The following PPP1R37 variants were observed in gnomAD, a reference collection of about 807,000 sequenced individuals.
The protein encoded by PPP1R37 is protein phosphatase 1 regulatory subunit 37.
PPP1R37 carries 21 observed loss-of-function variants against 61.0 expected under a neutral mutation model. The ratio of observed to expected loss-of-function variants is 0.34; its 90% CI spans 0.24 to 0.50. The LOEUF (loss-of-function observed/expected upper bound fraction) is 0.50, where lower values mean the gene tolerates loss of function less well. Among genes scored for constraint, PPP1R37 ranks in the 20% least tolerant of loss-of-function variants. The pLI, the probability that PPP1R37 is intolerant of heterozygous loss-of-function variation, is 0.98. For synonymous variants in PPP1R37, 443 were observed against 433.5 expected, an observed-to-expected ratio of 1.02 and a Z score of -0.27; for missense variants, 910 against 952.7, an observed-to-expected ratio of 0.96 and a Z score of 0.59.
In PPP1R37 at chr19:45,145,787, G is replaced by A. The variant is rs575272908; in HGVS notation, c.1731G>A (p.Pro577=). 4.9e-5 allele frequency: 73 copies of A among 1,505,084 alleles called. No individual in the cohort carries two copies. In the East Asian group the frequency reaches 1.1e-3, roughly 22 times the overall value. The allele number at this position is 1,505,084 out of a possible 1,614,324, so 93.2% of individuals were successfully genotyped here. ...KVFVVTRVES[P]PERAEPPASP... The stretch of plus-strand genomic sequence containing the variant: ...TTGTGGTGACCCGGGTGGAGAGCCC[G>A]CCCGAGAGGGCAGAGCCCCCTGCGT... Residue 577 remains proline (P), a synonymous_variant, in exon 11 of 13, where the codon CCG becomes CCA. Coordinates refer to ENST00000221462, the MANE Select transcript of PPP1R37 (RefSeq NM_019121.2).
At chr19:45,110,232 C>T (rs1156413962) in intron 1 of PPP1R37, among the ~76,000 whole-genome samples, 1 of 151,666 alleles carries the variant, frequency 6.6e-6, no homozygotes, top group Non-Finnish European at 1.5e-5. Context: ...CCTCCCGCCT[C>T]AGCCTTCTGA....
Position 45,093,408 on chromosome 19 carries a change from C to T in PPP1R37, c.83C>T (p.Pro28Leu). 6.5e-7 allele frequency: 1 copy of T among 1,534,530 alleles called. No homozygotes were observed. The highest frequency in any genetic ancestry group is 1.4e-5 in the African/African-American group (1 of 73,048). ...IEEAPAEAGS[P>L]SPASPPADGR... ...GAGGCCCCAGCTGAGGCCGGGTCTC[C>T]CAGCCCCGCGTCGCCCCCCGCCGAT... Residue 28 changes from proline (P) to leucine (L), a missense_variant, in exon 1 of 13, where the codon CCC (proline) becomes CTC (leucine). Pro to Leu is a moderately conservative substitution (Grantham distance 98). Transcript: ENST00000221462.
intron 7 of PPP1R37, 128 bp downstream of exon 7, chr19:45,142,586 A>G (rs915749800): frequency 5.4e-5 from 56 of 1,029,600 alleles, no homozygotes; most frequent in Non-Finnish European, 7.0e-5. Flanking sequence ...TGGGGCTCCC[A>G]GGAGGAAGAC....
intron 1 of PPP1R37, among the ~76,000 whole-genome samples, chr19:45,126,307 G>A (rs916573242): frequency 6.6e-6 from 1 of 152,338 alleles, no homozygotes; most frequent in East Asian, 1.9e-4. Flanking sequence ...AGGGACAGGG[G>A]CCCTTCCTGT....
intron 1 of PPP1R37, among the ~76,000 whole-genome samples, chr19:45,122,652 G>A (rs376793548): frequency 1.3e-4 from 20 of 152,254 alleles, no homozygotes; most frequent in African/African-American, 4.6e-4. Context: ...AAGACCTGCA[G>A]GCAGGGAGGG....
chr19:45,140,777 G>A, intron 4 of PPP1R37, 171 bp downstream of exon 4: 2 of 604,548 alleles, frequency 3.3e-6, no homozygotes, highest in South Asian at 2.0e-5. Flanking sequence ...TATGACCAGA[G>A]TGGATGTGGA....
In PPP1R37 at chr19:45,140,300, G is replaced by T; in HGVS notation, c.346+19G>T. On this transcript the variant is annotated intron_variant, in intron 3 of 12. Transcript: ENST00000221462. ...CTGAAAGGTGTGTGTCTGGCTAGGG[G>T]TTGAGAGCCCTTGGGTCATGGGCAG... The T allele has an allele frequency of 2.0e-6, 3 of 1,535,292 alleles. No individual in the cohort carries two copies. The highest frequency in any genetic ancestry group is 1.2e-5 in the South Asian group (1 of 84,054).
intron 1 of PPP1R37, among the ~76,000 whole-genome samples, chr19:45,103,759 C>T (rs1968093864): frequency 6.6e-6 from 1 of 152,140 alleles, no homozygotes; most frequent in Non-Finnish European, 1.5e-5. Flanking sequence ...TTATGGAGCG[C>T]TTAACAGGGC....
At position 45,145,582 on chromosome 19, in the gene PPP1R37, C is replaced by G. The variant is rs757743404; in HGVS notation, c.1526C>G (p.Ser509Trp). The G allele has an allele frequency of 1.7e-5, 26 of 1,535,770 alleles. No homozygotes were observed. Among genetic ancestry groups the G allele is most frequent in the Admixed American group, 5.9e-5 (3 of 50,968 alleles). Reference sequence around the variant, plus strand: ...CCCAGCCCGGACTCAGACTCAGACTCGGACTCGGATGGGGAGGAAGAGGAG... The same window carrying G: ...CCCAGCCCGGACTCAGACTCAGACTGGGACTCGGATGGGGAGGAAGAGGAG... ...PAPSPDSDSD[S>W]DSDGEEEEEE... Residue 509 changes from serine (S) to tryptophan (W), a missense_variant, in exon 11 of 13, where the codon TCG (serine) becomes TGG (tryptophan). Transcript: ENST00000221462.
chr19:45,107,404 C>A (rs573652132), intron 1 of PPP1R37, among the ~76,000 whole-genome samples: 3 of 152,102 alleles, frequency 2.0e-5, no homozygotes, highest in South Asian at 4.2e-4. Flanking sequence ...GAGTTCGAGA[C>A]CAGCCTGGAC....
In PPP1R37 at chr19:45,142,230, A is replaced by AG; in HGVS notation, c.718+22dup. ...CTGCTCGGTGAGCCCCAAGCCCGGG[A>AG]GGGTGAGCAGGATGTGCAGCCTGTT... On this transcript the variant is annotated intron_variant, in intron 6 of 12. Transcript: ENST00000221462. The AG allele has an allele frequency of 6.5e-7, 1 of 1,532,854 alleles. No individual in the cohort carries two copies. Among genetic ancestry groups the AG allele is most frequent in the Non-Finnish European group, 8.7e-7 (1 of 1,144,776 alleles). The allele number at this position is 1,532,854 out of a possible 1,614,324, so 95.0% of individuals were successfully genotyped here. A position where few individuals can be genotyped will look rare whatever the true frequency, so the allele number is the denominator to read the frequency against.
At chr19:45,131,936 G>A (rs749779345) in intron 1 of PPP1R37, among the ~76,000 whole-genome samples, 3 of 152,164 alleles carry the variant, frequency 2.0e-5, no homozygotes, top group Admixed American at 1.3e-4. Context: ...TCCCTTTCAG[G>A]GAGGGAAAGA....
At chr19:45,144,832 C>G (rs968161998) in intron 8 of PPP1R37, 22 bp from the exon 9 acceptor site, 8 of 1,517,660 alleles carry the variant, frequency 5.3e-6, no homozygotes, top group Non-Finnish European at 7.0e-6. Context: ...CTCCTCCTCA[C>G]CCTCACACCC....
chr19:45,131,344 C>T (rs889909594), intron 1 of PPP1R37, among the ~76,000 whole-genome samples: 2 of 152,158 alleles, frequency 1.3e-5, no homozygotes, highest in East Asian at 3.9e-4. Context: ...CCATCCCACC[C>T]AGGGCTCCCC....
chr19:45,145,601 AGAG>A lies in PPP1R37; in HGVS notation c.1551_1553del (p.Glu520del), dbSNP rs1968682562. ...CAGACTCGGACTCGGATGGGGAGGA[AGAG>A]GAGGAAGAGGAAGGGGAGAGGGACG... On this transcript the variant is annotated inframe_deletion, in exon 11 of 13. Transcript: ENST00000221462. 7 of 1,535,482 alleles carry A rather than the reference AGAG, an allele frequency of 4.6e-6. No homozygotes were observed. The highest frequency in any genetic ancestry group is 3.6e-5 in the South Asian group (3 of 84,054).
rs773947787 is a variant in PPP1R37 at position 45,142,473 on chromosome 19, C to T, written c.874+15C>T. 5.3e-5 allele frequency: 81 copies of T among 1,534,742 alleles called. No individual in the cohort carries two copies. The African/African-American group carries it at 1.0e-3, about 20-fold the overall frequency. ...GCTAGACTCGGGTGGGTGCAGTGGC[C>T]CACCCCACCCACACCCGTCACCCAG... On this transcript the variant is annotated intron_variant, in intron 7 of 12. Transcript: ENST00000221462.
At position 45,120,014 on chromosome 19, in the gene PPP1R37, C is replaced by CTTTTTTTTTTTTTTTTTTTTTTTTTTTT. The variant is rs11312138; in HGVS notation, c.203-18479_203-18478insTTTTTTTTTTTTTTTTTTTTTTTTTTTT. The stretch of plus-strand genomic sequence containing the variant: ...AGCACAGATTTTTTATTTTCCCCTT[C>CTTTTTTTTTTTTTTTTTTTTTTTTTTTT]TTTTTTTTTTTTTTTTTTTTTGAGA... On this transcript the variant is annotated intron_variant, in intron 1 of 12. Transcript: ENST00000221462. Among the ~76,000 whole-genome samples the CTTTTTTTTTTTTTTTTTTTTTTTTTTTT allele has an allele frequency of 3.9e-4, 33 of 83,570 alleles. 1 individual carries two copies. The highest frequency in any genetic ancestry group is 6.7e-4 in the Non-Finnish European group (28 of 41,778). The allele number at this position is 83,570 out of a possible 152,430, so 54.8% of individuals were successfully genotyped here.
rs1568452490 is a variant in PPP1R37, at chr19:45,145,675, C to T, written c.1619C>T (p.Pro540Leu). 2 of 1,535,176 alleles carry T rather than the reference C, an allele frequency of 1.3e-6. No individual in the cohort carries two copies. The highest frequency in any genetic ancestry group is 1.2e-5 in the South Asian group (1 of 83,976). ...GTGCCCCCCACGGACTCCCTGGGCC[C>T]TGGGGACAGGAGTCCCCCAGGCAGC... ...ALVPPTDSLG[P>L]GDRSPPGSPS... is the part of the protein sequence containing the mutation. The change falls in exon 11 of 13, where the codon CCT becomes CTT. Residue 540 changes from proline (P) to leucine (L), a missense_variant. Physicochemically the swap from Pro to Leu is moderately conservative, Grantham distance 98. Coordinates refer to ENST00000221462, the MANE Select transcript of PPP1R37 (RefSeq NM_019121.2).
intron 1 of PPP1R37, among the ~76,000 whole-genome samples, chr19:45,112,051 C>T (rs1470858688): frequency 1.3e-5 from 2 of 151,936 alleles, no homozygotes; most frequent in Non-Finnish European, 2.9e-5. Context: ...TCACTACAAC[C>T]TCTGCATCCT....
Sources: allele counts gnomAD v4.1 joint callset (sites outside exome capture counted in the v4.1 genomes callset), GRCh38; gene constraint gnomAD v4.1.1; transcripts MANE v1.5; gene names NCBI Gene and HGNC (gene_info 2026-07-23, HGNC 2026-07-21).